Variants in FGD4 observed in about 807,000 individuals in gnomAD.
The protein encoded by FGD4 is FYVE, RhoGEF and PH domain containing 4, also known as FYVE, RhoGEF and PH domain-containing protein 4.
FGD4 carries 42 observed loss-of-function variants against 102.0 expected under a neutral mutation model. That is an observed-to-expected ratio of 0.41 (90% CI 0.32 to 0.53). The LOEUF (loss-of-function observed/expected upper bound fraction) is 0.53. FGD4 is among the 20% of genes least tolerant of loss of function. The pLI is 0.21. For missense variants in FGD4, 902 were observed against 1,078.2 expected (o/e 0.84, Z 2.29); for synonymous variants, 380 against 375.7 (o/e 1.01, Z -0.13).
intron 1 of FGD4, among the ~76,000 whole-genome samples, chr12:32,473,572 T>G (rs1451918356): frequency 1.3e-5 from 2 of 152,102 alleles, no homozygotes; most frequent in Non-Finnish European, 2.9e-5. Context: ...ACGCGCCACC[T>G]TAAGAGCTGT....
rs542163387 is a variant in FGD4 at position 32,644,801 on chromosome 12, A to G, written c.*4268A>G. 13 of 152,214 alleles carry G rather than the reference A, an allele frequency of 8.5e-5. No individual in the cohort carries two copies. In the South Asian group the frequency reaches 2.7e-3, roughly 32 times the overall value. 9.4% of individuals were successfully genotyped at this position (152,214 alleles called of 1,614,324 possible). A position where few individuals can be genotyped will look rare whatever the true frequency, so the allele number is the denominator to read the frequency against. ...TTTGACCTTGGCCTGTAAATGCTAG[A>G]CTATGATATCTTGTTATTCTTTTTC... On this transcript the variant is annotated 3_prime_UTR_variant, in exon 17 of 17. Coordinates refer to ENST00000534526, the MANE Select transcript of FGD4 (RefSeq NM_001370298.3).
rs1948330814 is a variant in FGD4, at chr12:32,600,583, TCTTTCTTTC to T, written c.1102-694_1102-686del. The T allele has an allele frequency of 8.2e-6, 3 of 364,202 alleles. No individual in the cohort carries two copies. The African/African-American group carries it at 8.8e-5, about 11-fold the overall frequency. 22.6% of individuals were successfully genotyped at this position (364,202 alleles called of 1,614,324 possible). On this transcript the variant is annotated intron_variant, in intron 5 of 16. Transcript: ENST00000534526. Reference sequence around the variant, plus strand: ...TGTTTTTTGTTTTTCTTTCTTTCTTTCTTTCTTTCTTTTTTTTTTTTTTGTCTTCAAGGT... The same window carrying T: ...TGTTTTTTGTTTTTCTTTCTTTCTTTTTTTTTTTTTTTTTGTCTTCAAGGT...
At chr12:32,461,838 T>G (rs1163859624) in intron 1 of FGD4, among the ~76,000 whole-genome samples, 1 of 152,192 alleles carries the variant, frequency 6.6e-6, no homozygotes, top group Middle Eastern at 3.2e-3. Context: ...GCAATTCTCC[T>G]GCCTCAGCCT....
chr12:32,614,776 C>G (rs2173572), intron 10 of FGD4, among the ~76,000 whole-genome samples: 1 of 152,188 alleles, frequency 6.6e-6, no homozygotes, highest in Admixed American at 6.5e-5. Context: ...TGGTAAAATT[C>G]TCAAGACCCT....
intron 14 of FGD4, among the ~76,000 whole-genome samples, chr12:32,633,086 T>C (rs1328864303): frequency 2.0e-5 from 3 of 150,212 alleles, no homozygotes; most frequent in Non-Finnish European, 3.0e-5. Flanking sequence ...AGCGGGACTT[T>C]GTAAAATGGA....
chr12:32,577,032 G>A (rs554056864), intron 3 of FGD4, among the ~76,000 whole-genome samples: 8 of 152,068 alleles, frequency 5.3e-5, no homozygotes, highest in African/African-American at 1.9e-4. Context: ...CTAAATTTCA[G>A]TTTTGTATTT....
intron 1 of FGD4, among the ~76,000 whole-genome samples, chr12:32,404,816 C>T (rs540334440): frequency 4.6e-5 from 7 of 152,202 alleles, no homozygotes; most frequent in African/African-American, 1.7e-4. Context: ...GGATGGTGTG[C>T]ATGTGCATGA....
chr12:32,481,127 C>CTAAAAAA (rs1943750098), intron 1 of FGD4, among the ~76,000 whole-genome samples: 1 of 27,354 alleles, frequency 3.7e-5, no homozygotes, highest in Non-Finnish European at 5.6e-5. Context: ...GACTCCGTCT[C>CTAAAAAA]AAAAAAAAAA....
At chr12:32,604,867 T>C (rs1948665932) in intron 7 of FGD4, among the ~76,000 whole-genome samples, 1 of 152,024 alleles carries the variant, frequency 6.6e-6, no homozygotes, top group Non-Finnish European at 1.5e-5. Context: ...TTTCAGGTTG[T>C]TGCATGCCTT....
chr12:32,430,650 A>C (rs887103804), intron 1 of FGD4, among the ~76,000 whole-genome samples: 1 of 152,206 alleles, frequency 6.6e-6, no homozygotes, highest in Admixed American at 6.5e-5. Flanking sequence ...ATATTAATAT[A>C]TCAATATCAT....
chr12:32,454,315 C>A (rs1011474611), intron 1 of FGD4, among the ~76,000 whole-genome samples: 1 of 152,120 alleles, frequency 6.6e-6, no homozygotes, highest in African/African-American at 2.4e-5. Flanking sequence ...AAGGGATTAG[C>A]CTTTCGTTCT....
chr12:32,600,009 A>G (rs540186858), intron 5 of FGD4, among the ~76,000 whole-genome samples: 1 of 152,174 alleles, frequency 6.6e-6, no homozygotes, highest in African/African-American at 2.4e-5. Context: ...GAAACAGGCA[A>G]TCCTGTGCAT....
At chr12:32,611,628 C>T (rs1949140964) in intron 10 of FGD4, among the ~76,000 whole-genome samples, 2 of 152,180 alleles carry the variant, frequency 1.3e-5, no homozygotes, top group South Asian at 4.1e-4. Flanking sequence ...GTTGTATACA[C>T]CTTGGAAAAA....
intron 1 of FGD4, chr12:32,511,086 C>T (rs1352662134): frequency 6.6e-6 from 1 of 152,162 alleles, no homozygotes. Context: ...ATGATTGGTG[C>T]TAAGGCAGAG....
intron 1 of FGD4, among the ~76,000 whole-genome samples, chr12:32,435,527 A>G (rs1268677897): frequency 1.5e-5 from 1 of 67,112 alleles, no homozygotes; most frequent in East Asian, 5.4e-4. Flanking sequence ...GTTTTAAATG[A>G]CTAAGTTGGA....
intron 1 of FGD4, among the ~76,000 whole-genome samples, chr12:32,446,631 TG>T (rs1342867481): frequency 6.6e-6 from 1 of 152,112 alleles, no homozygotes; most frequent in African/African-American, 2.4e-5. Context: ...AGAAGAGGCA[TG>T]GAAACAGGAA....
intron 1 of FGD4, among the ~76,000 whole-genome samples, chr12:32,555,350 T>C (rs537852240): frequency 6.6e-6 from 1 of 152,102 alleles, no homozygotes; most frequent in East Asian, 1.9e-4. Flanking sequence ...GGGGTTCAGA[T>C]ATGAATCTGT....
chr12:32,491,132 TA>T (rs72008264), intron 1 of FGD4, among the ~76,000 whole-genome samples: 23,062 of 106,494 alleles, frequency 0.22, 1,867 homozygotes, highest in South Asian at 0.34. Flanking sequence ...TTCTGCCAGT[TA>T]AAAAAAAAAA....
intron 1 of FGD4, among the ~76,000 whole-genome samples, chr12:32,407,910 C>G (rs1941012724): frequency 6.6e-6 from 1 of 152,050 alleles, no homozygotes; most frequent in Admixed American, 6.6e-5. Context: ...CATGGTTTGC[C>G]CCTTTACTCT....
Sources: gnomAD v4.1 joint callset for allele counts (sites outside exome capture counted in the v4.1 genomes callset) on GRCh38, gnomAD v4.1.1 for gene constraint, MANE v1.5 for transcripts, NCBI Gene and HGNC (gene_info 2026-07-23, HGNC 2026-07-21) for gene names.